Variants in NLRP5 observed in about 807,000 individuals in gnomAD.
NLRP5 encodes the protein NACHT, LRR and PYD domains-containing protein 5.
Under a neutral mutation model 113.1 loss-of-function variants are expected in NLRP5, and 93 were observed. The observed-to-expected ratio is 0.82, with a 90% CI of 0.70 to 0.98. NLRP5 has a LOEUF of 0.98. Ranked by LOEUF, NLRP5 falls within the 50% of genes least tolerant of loss-of-function variation. The pLI is 0.00. For synonymous variants in NLRP5, 751 were observed against 600.7 expected (o/e 1.25, Z -3.66); for missense variants, 1,808 against 1,514.3 (o/e 1.19, Z -3.22).
rs1227696986 is a variant in NLRP5, at chr19:56,058,339, C to T, written c.3399C>T (p.Asn1133=). ...CCAGTCTAAACCTGGTGCAGAATAACTTCAGTCCCAAAGGAATGATGAAGC... is the reference window on the plus strand; with the variant it reads ...CCAGTCTAAACCTGGTGCAGAATAATTTCAGTCCCAAAGGAATGATGAAGC... The change falls in exon 14 of 15, where the codon AAC becomes AAT. Residue 1133 remains asparagine, a synonymous_variant. Coordinates refer to ENST00000390649, the MANE Select transcript of NLRP5 (RefSeq NM_153447.4). 3.7e-6 allele frequency: 6 copies of T among 1,614,030 alleles called. No individual in the cohort carries two copies. In the East Asian group the frequency reaches 6.7e-5, roughly 18 times the overall value.
rs10409555 is a variant in NLRP5, at chr19:56,061,466, G to C, written c.3541G>C (p.Val1181Leu). Residue 1181 changes from valine to leucine, a missense_variant, in exon 15 of 15, where the codon GTC becomes CTC. Val to Leu is a conservative substitution (Grantham distance 32). Transcript: ENST00000390649. ...GGAAGTGCAGCTACTCAAGCCCCGA[G>C]TCGTAATTGACGGTAGTTGGCATTC... 2 of 1,613,782 alleles carry C rather than the reference G, an allele frequency of 1.2e-6. No homozygotes were observed. Among genetic ancestry groups the C allele is most frequent in the Non-Finnish European group, 1.7e-6 (2 of 1,179,840 alleles).
chr19:55,995,972 C>T (rs1299671134), upstream of NLRP5, among the ~76,000 whole-genome samples: 1 of 152,038 alleles, frequency 6.6e-6, no homozygotes, highest in Admixed American at 6.6e-5. Flanking sequence ...AAAATTTATC[C>T]AAAAATCAAC....
At position 56,056,280 on chromosome 19, in the gene NLRP5, G is replaced by A. The variant is rs147204320; in HGVS notation, c.3300-1960G>A. Among the ~76,000 whole-genome samples, 314 of 152,242 alleles carry A rather than the reference G, an allele frequency of 2.1e-3. 1 individual carries two copies. Among genetic ancestry groups the A allele is most frequent in the African/African-American group, 6.7e-3 (277 of 41,536 alleles). The stretch of plus-strand genomic sequence containing the variant: ...CTGTAACAATAAAGAAAGCATGGCC[G>A]GGTGTGGTGGCTCATGACTGTCATC... On this transcript the variant is annotated intron_variant, in intron 13 of 14. Coordinates refer to ENST00000390649, the MANE Select transcript of NLRP5 (RefSeq NM_153447.4).
chr19:56,032,956 T>C (rs1046388091), intron 8 of NLRP5, among the ~76,000 whole-genome samples, 175 bp downstream of exon 8: 2 of 151,938 alleles, frequency 1.3e-5, no homozygotes, highest in Non-Finnish European at 2.9e-5. Flanking sequence ...GCTAAAGACC[T>C]TGTGATCGGC....
At chr19:56,025,410 C>G (rs1222650597) in intron 6 of NLRP5, among the ~76,000 whole-genome samples, 3 of 150,918 alleles carry the variant, frequency 2.0e-5, no homozygotes, top group Non-Finnish European at 3.0e-5. Context: ...CTCTCTGTCT[C>G]TCTGTTTTTT....
intron 2 of NLRP5, among the ~76,000 whole-genome samples, chr19:56,007,934 T>TGTGTGTG (rs1982008388): frequency 2.3e-5 from 3 of 129,138 alleles, no homozygotes; most frequent in Admixed American, 7.6e-5. Flanking sequence ...TGTGTGTGTG[T>TGTGTGTG]TTGAAACAGA....
rs751007478 is a variant in NLRP5, at chr19:56,028,201, C to T, written c.1968C>T (p.Pro656=). The change falls in exon 7 of 15, where the codon CCC becomes CCT. Residue 656 remains proline (P), a synonymous_variant. Coordinates refer to ENST00000390649, the MANE Select transcript of NLRP5 (RefSeq NM_153447.4). The stretch of plus-strand genomic sequence containing the variant: ...CACTGGAGGTCCTGCTGGGCTGTCC[C>T]GTTCCCCTGGGGGTGAAGCAGAAGC... The T allele has an allele frequency of 5.1e-5, 83 of 1,613,806 alleles. 1 individual carries two copies. Among genetic ancestry groups the T allele is most frequent in the South Asian group, 2.3e-4 (21 of 91,090 alleles).
At chr19:56,040,845 C>T in intron 10 of NLRP5, 77 bp from the exon 11 acceptor site, 2 of 1,282,740 alleles carry the variant, frequency 1.6e-6, no homozygotes, top group African/African-American at 1.5e-5. Context: ...ACGTCTTTCC[C>T]CTCCTTGTAA....
At chr19:56,016,915 T>C (rs1225570294) in intron 4 of NLRP5, among the ~76,000 whole-genome samples, 7 of 152,052 alleles carry the variant, frequency 4.6e-5, no homozygotes, top group Non-Finnish European at 1.0e-4. Flanking sequence ...TTCAAGTGAT[T>C]CTCCTGCCTC....
intron 6 of NLRP5, among the ~76,000 whole-genome samples, chr19:56,022,996 G>A (rs989705460): frequency 6.6e-6 from 1 of 152,216 alleles, no homozygotes; most frequent in Non-Finnish European, 1.5e-5. Context: ...AAAGTGCTGG[G>A]ATTACAGGCG....
At chr19:56,012,850 C>G (rs542288218) in intron 3 of NLRP5, among the ~76,000 whole-genome samples, 2 of 152,098 alleles carry the variant, frequency 1.3e-5, no homozygotes, top group Non-Finnish European at 2.9e-5. Context: ...TCAAATTTGG[C>G]GTCTGTGTTT....
rs755198336 is a variant in NLRP5 at position 56,027,603 on chromosome 19, C to A, written c.1370C>A (p.Ala457Glu). 1.9e-6 allele frequency: 3 copies of A among 1,613,662 alleles called. No homozygotes were observed. The highest frequency in any genetic ancestry group is 2.5e-6 in the Non-Finnish European group (3 of 1,179,896). The change falls in exon 7 of 15, where the codon GCG becomes GAG. Residue 457 changes from alanine (A) to glutamate (E), a missense_variant. By Grantham distance (107) the Ala-to-Glu change is moderately radical (BLOSUM62 -1). Transcript: ENST00000390649. ...CATCAGAAGACACAAGGGTTGCGTG[C>A]GATCATGAACAACCGTGAGCTGCTC...
intron 11 of NLRP5, among the ~76,000 whole-genome samples, chr19:56,048,383 T>G (rs765235499): frequency 1.3e-5 from 2 of 152,224 alleles, no homozygotes; most frequent in Non-Finnish European, 2.9e-5. Flanking sequence ...AGGATTTGTT[T>G]CAAGATTTAG....
At chr19:56,011,923 C>G (rs1379260373) in intron 3 of NLRP5, among the ~76,000 whole-genome samples, 3 of 151,988 alleles carry the variant, frequency 2.0e-5, no homozygotes, top group Non-Finnish European at 4.4e-5. Flanking sequence ...AATTCCTGAC[C>G]TCAGGTGATC....
chr19:55,999,916 A>G (rs981665366), intron 1 of NLRP5: 3 of 724,788 alleles, frequency 4.1e-6, no homozygotes, highest in East Asian at 5.1e-5. Context: ...GCAGCAGAAC[A>G]CTCCCCGGGG....
rs545438956 is a variant in NLRP5, at chr19:56,004,013, G to A, written c.360G>A (p.Ser120=). The change falls in exon 2 of 15, where the codon TCG becomes TCA. Residue 120 remains serine, a synonymous_variant. Transcript: ENST00000390649. ...TCTTGCATGAGTATTATGGAGCATC[G>A]CTGGCCTGGGCTACGTCCATTAGCA... is the stretch of plus-strand genomic sequence containing the variant. 7 of 1,613,892 alleles carry A rather than the reference G, an allele frequency of 4.3e-6. No individual in the cohort carries two copies. Among genetic ancestry groups the A allele is most frequent in the Admixed American group, 3.3e-5 (2 of 60,000 alleles).
At chr19:56,017,465 T>C (rs73934619) in intron 4 of NLRP5, among the ~76,000 whole-genome samples, 4,323 of 152,296 alleles carry the variant, frequency 0.028, 214 homozygotes, top group African/African-American at 0.098. Context: ...CTGTAAATAT[T>C]GCTGTGTTTT....
At chr19:56,048,978 AAT>A (rs1568501315) in intron 11 of NLRP5, among the ~76,000 whole-genome samples, 6 of 23,582 alleles carry the variant, frequency 2.5e-4, no homozygotes, top group Non-Finnish European at 3.1e-4. Context: ...TTTTTTTTTT[AAT>A]TTTTTTTTTT....
rs755420472 is a variant in NLRP5 at position 56,033,501 on chromosome 19, A to AC, written c.2448-40dup. 2.0e-6 allele frequency: 3 copies of AC among 1,501,004 alleles called. No homozygotes were observed. The South Asian group carries it at 3.5e-5, about 18-fold the overall frequency. 93.0% of individuals were successfully genotyped at this position (1,501,004 alleles called of 1,614,324 possible). ...GAAGGAAAAATGAGGATACAACTAAACATCACCAGTGTCGAATGTGTCTCC... is the reference window on the plus strand; with the variant it reads ...GAAGGAAAAATGAGGATACAACTAAACCATCACCAGTGTCGAATGTGTCTCC... On this transcript the variant is annotated intron_variant, in intron 8 of 14. Transcript: ENST00000390649.
Sources: gnomAD v4.1 joint callset for allele counts (sites outside exome capture counted in the v4.1 genomes callset) on GRCh38, gnomAD v4.1.1 for gene constraint, MANE v1.5 for transcripts, NCBI Gene and HGNC (gene_info 2026-07-23, HGNC 2026-07-21) for gene names.